Variants in SMARCA2 observed in about 807,000 individuals in gnomAD.
SMARCA2 encodes SWI/SNF related BAF chromatin remodeling complex subunit ATPase 2.
In SMARCA2, 61 loss-of-function variants were observed where a neutral mutation model predicts 199.8. The ratio of observed to expected loss-of-function variants is 0.31; its 90% CI spans 0.25 to 0.38. SMARCA2 has a LOEUF of 0.38. Among genes scored for constraint, SMARCA2 ranks in the 10% least tolerant of loss-of-function variants. The pLI, the probability that SMARCA2 is intolerant of heterozygous loss-of-function variation, is 1.00. For missense variants in SMARCA2, 1,344 were observed against 2,012.2 expected, an observed-to-expected ratio of 0.67 and a Z score of 6.35; for synonymous variants, 935 against 732.0, an observed-to-expected ratio of 1.28 and a Z score of -4.48.
At chr9:2,159,872 CTG>C (rs1825574138) in intron 27 of SMARCA2, 2 of 1,612,088 alleles carry the variant, frequency 1.2e-6, no homozygotes, top group Non-Finnish European at 1.7e-6. Context: ...TCCCCACTAA[CTG>C]TGATTTCTGA....
Position 2,193,376 on chromosome 9 carries a change from AAAG to A in SMARCA2, c.*638_*640del, listed in dbSNP as rs1472920580. 8 of 152,694 alleles carry A rather than the reference AAAG, an allele frequency of 5.2e-5. No homozygotes were observed. Among genetic ancestry groups the A allele is most frequent in the African/African-American group, 1.9e-4 (8 of 41,476 alleles). The allele number at this position is 152,694 out of a possible 1,614,324, so 9.5% of individuals were successfully genotyped here. ...AATTTTTTTGCTCTTGATTTAAAAA[AAAG>A]TTTTGTTGAAAGCGCTATTGAATAT... On this transcript the variant is annotated 3_prime_UTR_variant, in exon 34 of 34. Coordinates refer to ENST00000349721, the MANE Select transcript of SMARCA2 (RefSeq NM_003070.5).
intron 29 of SMARCA2, among the ~76,000 whole-genome samples, chr9:2,173,339 C>G (rs931992005): frequency 6.6e-6 from 1 of 152,144 alleles, no homozygotes; most frequent in Non-Finnish European, 1.5e-5. Context: ...AGCCAACAGG[C>G]TCTTGTAGGC....
chr9:2,124,406 C>G (rs753399193), intron 27 of SMARCA2, among the ~76,000 whole-genome samples: 9 of 152,162 alleles, frequency 5.9e-5, no homozygotes, highest in Admixed American at 1.3e-4. Flanking sequence ...GCAGAGTTTT[C>G]TAACTGTGTG....
chr9:2,097,323 G>A, intron 20 of SMARCA2, 62 bp from the exon 21 acceptor site: 1 of 1,062,664 alleles, frequency 9.4e-7, no homozygotes, highest in Non-Finnish European at 1.4e-6. Context: ...CCAGTGTGAA[G>A]GATCTGAAAT....
At chr9:2,065,679 A>G (rs1820808974) in intron 9 of SMARCA2, among the ~76,000 whole-genome samples, 1 of 151,980 alleles carries the variant, frequency 6.6e-6, no homozygotes, top group African/African-American at 2.4e-5. Context: ...TTTAAATACA[A>G]GCTACTCCCT....
Position 2,182,242 on chromosome 9 carries a change from G to GGTCT in SMARCA2, c.4461+5_4461+8dup. On this transcript the variant is annotated frameshift_variant and splice_region_variant. Transcript: ENST00000349721. LOFTEE classifies it high-confidence loss of function. ...AGACGTTCAACCTGGAGGGATCCCA[G>GGTCT]GTCTGTCTTGTTAAGTTGTCTAAAA... The GGTCT allele has an allele frequency of 6.3e-7, 1 of 1,597,120 alleles. No individual in the cohort carries two copies. Among genetic ancestry groups the GGTCT allele is most frequent in the East Asian group, 2.2e-5 (1 of 44,772 alleles).
chr9:2,052,795 C>G (rs989394439), intron 5 of SMARCA2, among the ~76,000 whole-genome samples: 10 of 152,084 alleles, frequency 6.6e-5, no homozygotes, highest in Non-Finnish European at 1.0e-4. Flanking sequence ...GGAGGTTTCA[C>G]TTTTTCACGT....
intron 14 of SMARCA2, among the ~76,000 whole-genome samples, chr9:2,079,090 T>C (rs1170676398): frequency 6.6e-6 from 1 of 152,210 alleles, no homozygotes; most frequent in Non-Finnish European, 1.5e-5. Context: ...TTATTGATAA[T>C]AGGCATAACC....
intron 18 of SMARCA2, 77 bp downstream of exon 18, chr9:2,087,148 AG>A (rs1241064411): frequency 1.9e-6 from 3 of 1,556,204 alleles, no homozygotes; most frequent in African/African-American, 2.7e-5. Context: ...AGAACATTAG[AG>A]CCACAGAACA....
intron 21 of SMARCA2, among the ~76,000 whole-genome samples, chr9:2,101,049 A>T (rs1563768646): frequency 6.6e-6 from 1 of 152,090 alleles, no homozygotes; most frequent in Admixed American, 6.5e-5. Context: ...CATGAGGGAA[A>T]CCTTCCTCAT....
At chr9:2,096,380 CT>C (rs1259908673) in intron 19 of SMARCA2, among the ~76,000 whole-genome samples, 3 of 152,212 alleles carry the variant, frequency 2.0e-5, no homozygotes, top group Admixed American at 6.5e-5. Context: ...GCCATTCTCT[CT>C]CTCAAATTTG....
At position 2,191,408 on chromosome 9, in the gene SMARCA2, T is replaced by TGTAA. The variant is rs781353313; in HGVS notation, c.4737+3_4737+6dup. 4.3e-6 allele frequency: 7 copies of TGTAA among 1,613,912 alleles called. No homozygotes were observed. In the African/African-American group the frequency reaches 8.0e-5, roughly 18 times the overall value. Reference sequence around the variant, plus strand: ...ACAGCGATGAGGAGCAGGATGAACGTGTAAGTGTAGCCGACTGGGACTGAA... The same window carrying TGTAA: ...ACAGCGATGAGGAGCAGGATGAACGTGTAAGTAAGTGTAGCCGACTGGGACTGAA... On this transcript the variant is annotated frameshift_variant and splice_region_variant. Transcript: ENST00000349721. LOFTEE classifies it high-confidence loss of function.
chr9:2,145,606 G>A (rs1206063443), intron 27 of SMARCA2, among the ~76,000 whole-genome samples: 1 of 152,148 alleles, frequency 6.6e-6, no homozygotes, highest in Non-Finnish European at 1.5e-5. Flanking sequence ...TGATGCTAGA[G>A]TTTATCCTTT....
intron 26 of SMARCA2, among the ~76,000 whole-genome samples, chr9:2,122,326 A>AT (rs35426156): frequency 4.7e-5 from 7 of 150,462 alleles, no homozygotes; most frequent in Admixed American, 6.6e-5. Flanking sequence ...CATTAACAAA[A>AT]TTTTTTTTTT....
intron 2 of SMARCA2, among the ~76,000 whole-genome samples, chr9:2,029,612 A>T (rs1213910308): frequency 6.6e-6 from 1 of 152,218 alleles, no homozygotes; most frequent in African/African-American, 2.4e-5. Context: ...AACATACTGA[A>T]AATTATTCTT....
At chr9:2,159,777 A>G (rs1825568525) in intron 27 of SMARCA2, 1 of 1,584,932 alleles carries the variant, frequency 6.3e-7, no homozygotes. Flanking sequence ...ATATGAAAAC[A>G]CAGCCTTTCC....
chr9:2,077,403 C>T (rs988169557), intron 13 of SMARCA2, among the ~76,000 whole-genome samples: 5 of 152,140 alleles, frequency 3.3e-5, no homozygotes, highest in Non-Finnish European at 5.9e-5. Flanking sequence ...CTCTAAGCCT[C>T]GGGTTCTCCA....
At position 2,192,517 on chromosome 9, in the gene SMARCA2, A is replaced by AAAAACTTCTCAG. The variant is rs1827954670; in HGVS notation, c.4738-186_4738-175dup. The AAAAACTTCTCAG allele has an allele frequency of 1.6e-5, 10 of 629,352 alleles. No homozygotes were observed. The South Asian group carries it at 1.8e-4, about 11-fold the overall frequency. The allele number at this position is 629,352 out of a possible 1,614,324, so 39.0% of individuals were successfully genotyped here. A position where few individuals can be genotyped will look rare whatever the true frequency, so the allele number is the denominator to read the frequency against. ...CTTTGCTTTGGGGTTTTTCAGTAAG[A>AAAAACTTCTCAG]AAAACTTCTCAGCTTAGAGACTGTC... On this transcript the variant is annotated intron_variant, in intron 33 of 33. Coordinates refer to ENST00000349721, the MANE Select transcript of SMARCA2 (RefSeq NM_003070.5).
Position 2,157,751 on chromosome 9 carries a change from C to G in SMARCA2, c.3982-3935C>G, listed in dbSNP as rs1357603110. The G allele has an allele frequency of 3.0e-5, 12 of 394,098 alleles. No homozygotes were observed. The East Asian group carries it at 4.3e-4, about 14-fold the overall frequency. 24.4% of individuals were successfully genotyped at this position (394,098 alleles called of 1,614,324 possible). On this transcript the variant is annotated intron_variant, in intron 27 of 33. Transcript: ENST00000349721. The stretch of plus-strand genomic sequence containing the variant: ...CTTTTTGTTTGCGTGTCCCTGTTTA[C>G]CTATTCATAATCATGGATCCCCTCT...
Sources: allele counts gnomAD v4.1 joint callset (sites outside exome capture counted in the v4.1 genomes callset), GRCh38; gene constraint gnomAD v4.1.1; transcripts MANE v1.5; gene names NCBI Gene and HGNC (gene_info 2026-07-23, HGNC 2026-07-21).